Variants in SLC39A11 observed in about 807,000 individuals in gnomAD.
SLC39A11 encodes zinc transporter ZIP11.
SLC39A11 carries 33 observed loss-of-function variants against 36.1 expected under a neutral mutation model. The ratio of observed to expected loss-of-function variants is 0.91; its 90% confidence interval spans 0.69 to 1.22. SLC39A11 has a LOEUF of 1.22. Among genes scored for constraint, SLC39A11 ranks in the 50% most tolerant of loss-of-function variants. The probability of loss-of-function intolerance (pLI) is 0.00; values close to 1 mark genes in which losing one functional copy is unlikely to be tolerated. For synonymous variants in SLC39A11, 166 were observed against 170.3 expected, an observed-to-expected ratio of 0.97 and a Z score of 0.20; for missense variants, 432 against 430.3, an observed-to-expected ratio of 1.00 and a Z score of -0.03.
At chr17:73,046,476 C>T (rs573013815) in intron 3 of SLC39A11, among the ~76,000 whole-genome samples, 8 of 151,880 alleles carry the variant, frequency 5.3e-5, no homozygotes, top group East Asian at 1.9e-4. Flanking sequence ...TAGGACTGCC[C>T]GATATAGCAA....
At chr17:72,647,703 T>G in intron 9 of SLC39A11, 41 bp from the exon 10 acceptor site, 1 of 1,557,534 alleles carries the variant, frequency 6.4e-7, no homozygotes, top group Non-Finnish European at 8.8e-7. Flanking sequence ...ACCTTAATGA[T>G]CCCTGAGGCC....
intron 4 of SLC39A11, among the ~76,000 whole-genome samples, chr17:72,951,087 C>T (rs1331526886): frequency 7.6e-6 from 1 of 131,226 alleles, no homozygotes; most frequent in African/African-American, 2.8e-5. Context: ...CATAGTGAGG[C>T]CCCATTTCTT....
chr17:72,803,279 G>C (rs1238547663), intron 6 of SLC39A11, among the ~76,000 whole-genome samples: 11 of 152,210 alleles, frequency 7.2e-5, no homozygotes, highest in Admixed American at 6.5e-4. Flanking sequence ...GCTGCCATAG[G>C]GCCACACACT....
At chr17:72,899,511 C>T (rs1404237848) in intron 5 of SLC39A11, among the ~76,000 whole-genome samples, 2 of 152,112 alleles carry the variant, frequency 1.3e-5, no homozygotes, top group Non-Finnish European at 2.9e-5. Flanking sequence ...GTCTCATTTC[C>T]CCTCATTACT....
At chr17:72,965,998 C>A (rs1254792271) in intron 4 of SLC39A11, among the ~76,000 whole-genome samples, 1 of 152,200 alleles carries the variant, frequency 6.6e-6, no homozygotes, top group Admixed American at 6.5e-5. Flanking sequence ...ATGGCTCCAA[C>A]CCCTCCCCAT....
intron 7 of SLC39A11, among the ~76,000 whole-genome samples, chr17:72,665,644 C>A (rs2070723302): frequency 6.6e-6 from 1 of 151,944 alleles, no homozygotes; most frequent in Non-Finnish European, 1.5e-5. Context: ...TACCTCAGCT[C>A]CCAAAGTGTT....
intron 7 of SLC39A11, among the ~76,000 whole-genome samples, chr17:72,696,622 CT>C (rs567960294): frequency 1.2e-3 from 187 of 152,278 alleles, no homozygotes; most frequent in Non-Finnish European, 1.9e-3. Flanking sequence ...TCAGGGCCCC[CT>C]ATCTCTCTGA....
intron 4 of SLC39A11, among the ~76,000 whole-genome samples, chr17:72,948,968 G>T (rs1345085888): frequency 6.6e-6 from 1 of 151,886 alleles, no homozygotes; most frequent in East Asian, 1.9e-4. Context: ...GAACAACAAG[G>T]CAGAGGAGAG....
intron 5 of SLC39A11, among the ~76,000 whole-genome samples, chr17:72,924,104 C>T (rs977002319): frequency 1.3e-5 from 2 of 148,600 alleles, no homozygotes; most frequent in Non-Finnish European, 3.0e-5. Flanking sequence ...CCAAATGGCA[C>T]CACTGCACTC....
At chr17:72,745,776 G>A (rs1258557800) in intron 6 of SLC39A11, among the ~76,000 whole-genome samples, 1 of 152,148 alleles carries the variant, frequency 6.6e-6, no homozygotes, top group African/African-American at 2.4e-5. Context: ...CAATGCAAAG[G>A]CCATGCAGAA....
At chr17:72,781,042 A>T (rs1226596849) in intron 6 of SLC39A11, among the ~76,000 whole-genome samples, 2 of 152,048 alleles carry the variant, frequency 1.3e-5, no homozygotes, top group East Asian at 3.9e-4. Flanking sequence ...TACAGTCCAC[A>T]CTCATCATCT....
At chr17:73,091,187 G>C (rs1400199450) in intron 1 of SLC39A11, among the ~76,000 whole-genome samples, 2 of 152,164 alleles carry the variant, frequency 1.3e-5, no homozygotes, top group Non-Finnish European at 2.9e-5. Flanking sequence ...CAGCACCTTG[G>C]GAGGCCAAGA....
chr17:72,665,995 CAT>C (rs1407168572), intron 7 of SLC39A11, among the ~76,000 whole-genome samples: 1 of 152,298 alleles, frequency 6.6e-6, no homozygotes, highest in Non-Finnish European at 1.5e-5. Context: ...ATGAAACAGA[CAT>C]GTGTGCAGAT....
intron 7 of SLC39A11, among the ~76,000 whole-genome samples, chr17:72,684,770 G>T (rs1163136743): frequency 6.6e-6 from 1 of 152,252 alleles, no homozygotes; most frequent in East Asian, 1.9e-4. Context: ...GAGCTGGGGA[G>T]TGGAGGGGTG....
chr17:73,045,600 T>C (rs2059260223), intron 3 of SLC39A11, among the ~76,000 whole-genome samples: 1 of 152,100 alleles, frequency 6.6e-6, no homozygotes, highest in South Asian at 2.1e-4. Context: ...CTAATAACGC[T>C]TAGGCTTTTT....
chr17:72,954,130 T>C (rs535778743), intron 4 of SLC39A11, among the ~76,000 whole-genome samples: 2 of 152,298 alleles, frequency 1.3e-5, no homozygotes, highest in South Asian at 4.1e-4. Context: ...CACTGCAACC[T>C]CTGCCTCCCT....
At chr17:72,955,416 C>T (rs2086183048) in intron 4 of SLC39A11, among the ~76,000 whole-genome samples, 1 of 143,816 alleles carries the variant, frequency 7.0e-6, no homozygotes, top group Admixed American at 7.5e-5. Flanking sequence ...AATTCTCATG[C>T]CTCAGCCTCT....
chr17:72,803,175 G>T (rs1321049129), intron 6 of SLC39A11, among the ~76,000 whole-genome samples: 4 of 152,222 alleles, frequency 2.6e-5, no homozygotes, highest in African/African-American at 7.2e-5. Context: ...AGGCAACTGG[G>T]CCCCCTCGCC....
chr17:73,018,942 G>A (rs1341505109), intron 4 of SLC39A11, among the ~76,000 whole-genome samples: 1 of 152,080 alleles, frequency 6.6e-6, no homozygotes, highest in Non-Finnish European at 1.5e-5. Context: ...CTTAGGAGCA[G>A]CCATAGAAAA....
Sources: gnomAD v4.1 joint callset for allele counts (sites outside exome capture counted in the v4.1 genomes callset) on GRCh38, gnomAD v4.1.1 for gene constraint, MANE v1.5 for transcripts, NCBI Gene and HGNC (gene_info 2026-07-23, HGNC 2026-07-21) for gene names.